The following IGSF11 variants were observed in gnomAD, a reference collection of about 807,000 sequenced individuals.
IGSF11 encodes the protein CXADR like 1.
Under a neutral mutation model 41.0 loss-of-function variants are expected in IGSF11, and 22 were observed. The observed-to-expected ratio is 0.54, with a 90% CI of 0.38 to 0.77. The LOEUF (loss-of-function observed/expected upper bound fraction) is 0.77, where lower values mean the gene tolerates loss of function less well. Among genes scored for constraint, IGSF11 ranks in the 30% least tolerant of loss-of-function variants. The probability of loss-of-function intolerance (pLI) is 0.00; values close to 1 mark genes in which losing one functional copy is unlikely to be tolerated. For synonymous variants in IGSF11, 219 were observed against 201.3 expected (o/e 1.09, Z -0.74); for missense variants, 444 against 530.8 (o/e 0.84, Z 1.61).
intron 5 of IGSF11, among the ~76,000 whole-genome samples, chr3:118,905,154 C>T (rs1441495435): frequency 1.3e-5 from 2 of 152,130 alleles, no homozygotes; most frequent in African/African-American, 2.4e-5. Context: ...TCAACCCAGC[C>T]AGATCACTCC....
At chr3:119,001,639 AG>A (rs1488509805) in intron 1 of IGSF11, among the ~76,000 whole-genome samples, 1 of 110,690 alleles carries the variant, frequency 9.0e-6, no homozygotes, top group African/African-American at 3.5e-5. Context: ...ACCCCACAAC[AG>A]TCCCCAGAGT....
At chr3:118,975,363 TAAAA>T (rs376307753) in intron 1 of IGSF11, among the ~76,000 whole-genome samples, 1 of 140,696 alleles carries the variant, frequency 7.1e-6, no homozygotes. Context: ...CTGCTGGATT[TAAAA>T]AAAAAAAAAA....
At chr3:119,115,682 T>C (rs2077245999) in intron 1 of IGSF11, among the ~76,000 whole-genome samples, 1 of 152,220 alleles carries the variant, frequency 6.6e-6, no homozygotes, top group Non-Finnish European at 1.5e-5. Flanking sequence ...GCAAATATTT[T>C]CTCTCATTCT....
At chr3:118,920,051 A>C in intron 4 of IGSF11, among the ~76,000 whole-genome samples, 2 of 138,732 alleles carry the variant, frequency 1.4e-5, no homozygotes. Context: ...ATAGGTGGGA[A>C]TTGAACAATG....
intron 1 of IGSF11, among the ~76,000 whole-genome samples, chr3:119,043,231 G>A (rs970794223): frequency 2.0e-5 from 3 of 152,190 alleles, no homozygotes; most frequent in Non-Finnish European, 4.4e-5. Flanking sequence ...AAAGGGGGTT[G>A]CTGTTGCCAG....
At chr3:119,141,773 A>G (rs972552879) in intron 1 of IGSF11, among the ~76,000 whole-genome samples, 2 of 151,980 alleles carry the variant, frequency 1.3e-5, no homozygotes, top group Non-Finnish European at 2.9e-5. Flanking sequence ...TATTGTGAAT[A>G]AATAGCCAAG....
intron 4 of IGSF11, among the ~76,000 whole-genome samples, chr3:118,910,487 T>TC (rs1940140247): frequency 2.0e-5 from 3 of 152,150 alleles, no homozygotes; most frequent in Non-Finnish European, 4.4e-5. Flanking sequence ...TTAGTTCAGG[T>TC]CCTTGTCATT....
intron 1 of IGSF11, among the ~76,000 whole-genome samples, chr3:119,138,793 G>A (rs555240716): frequency 6.6e-5 from 10 of 152,218 alleles, no homozygotes; most frequent in South Asian, 2.1e-4. Context: ...ACATGTTCTC[G>A]CTTATTTGTG....
At chr3:119,076,700 A>T (rs1323155813) in intron 1 of IGSF11, among the ~76,000 whole-genome samples, 1 of 152,228 alleles carries the variant, frequency 6.6e-6, no homozygotes, top group African/African-American at 2.4e-5. Flanking sequence ...TGCAAATCAA[A>T]ATCACAGTGA....
At chr3:119,010,204 T>C (rs1204769945) in intron 1 of IGSF11, among the ~76,000 whole-genome samples, 5 of 152,166 alleles carry the variant, frequency 3.3e-5, no homozygotes, top group Admixed American at 3.3e-4. Flanking sequence ...CCACAGAGTA[T>C]ACCCATGGAA....
chr3:119,092,360 G>A (rs1176700275), intron 1 of IGSF11, among the ~76,000 whole-genome samples: 3 of 151,790 alleles, frequency 2.0e-5, no homozygotes, highest in Non-Finnish European at 4.4e-5. Flanking sequence ...TTTTTTAGAT[G>A]GAGTCTCGCT....
At chr3:118,962,169 T>C (rs1945379676) in intron 1 of IGSF11, among the ~76,000 whole-genome samples, 1 of 152,216 alleles carries the variant, frequency 6.6e-6, no homozygotes, top group African/African-American at 2.4e-5. Flanking sequence ...AAACACAATT[T>C]GAGATATTTC....
At chr3:118,949,217 A>G (rs1944397672) in intron 1 of IGSF11, 1 of 151,894 alleles carries the variant, frequency 6.6e-6, no homozygotes, top group Admixed American at 6.6e-5. Context: ...AACAAAGAAC[A>G]AAGATTTTTA....
At chr3:118,933,465 ATTT>A (rs374086198) in intron 1 of IGSF11, among the ~76,000 whole-genome samples, 1 of 98,142 alleles carries the variant, frequency 1.0e-5, no homozygotes, top group Admixed American at 1.1e-4. Flanking sequence ...TATAACATGT[ATTT>A]TTTATATATA....
At chr3:119,040,749 T>G (rs2107747719) in intron 1 of IGSF11, among the ~76,000 whole-genome samples, 1 of 152,334 alleles carries the variant, frequency 6.6e-6, no homozygotes, top group East Asian at 1.9e-4. Context: ...GAATAAATAT[T>G]TTGAATGGAT....
chr3:118,975,707 G>C (rs1386086684), intron 1 of IGSF11, among the ~76,000 whole-genome samples: 4 of 152,204 alleles, frequency 2.6e-5, no homozygotes, highest in Non-Finnish European at 5.9e-5. Context: ...ATGATATCAT[G>C]TCCTTTGCAG....
At chr3:119,013,594 T>A (rs1200248242) in intron 1 of IGSF11, among the ~76,000 whole-genome samples, 1 of 152,200 alleles carries the variant, frequency 6.6e-6, no homozygotes, top group African/African-American at 2.4e-5. Context: ...TTATTAGACA[T>A]CGACTAATAA....
At chr3:119,028,321 C>T (rs1940022580) in intron 1 of IGSF11, among the ~76,000 whole-genome samples, 1 of 152,124 alleles carries the variant, frequency 6.6e-6, no homozygotes, top group South Asian at 2.1e-4. Flanking sequence ...ACTCCCCCAA[C>T]ATAAGGATGA....
intron 4 of IGSF11, among the ~76,000 whole-genome samples, chr3:118,915,154 G>T (rs1470908447): frequency 7.8e-6 from 1 of 129,020 alleles, no homozygotes; most frequent in Non-Finnish European, 1.6e-5. Context: ...CAAAGATGGG[G>T]AAAAAACAGA....
Sources: allele counts gnomAD v4.1 joint callset (sites outside exome capture counted in the v4.1 genomes callset), GRCh38; gene constraint gnomAD v4.1.1; transcripts MANE v1.5; gene names NCBI Gene and HGNC (gene_info 2026-07-23, HGNC 2026-07-21).